Variants in RTL1 observed in about 807,000 individuals in gnomAD.
RTL1 encodes the protein retrotransposon Gag like 1.
For missense variants in RTL1, 1,681 were observed against 1,767.5 expected, an observed-to-expected ratio of 0.95 and a Z score of 0.88; for synonymous variants, 727 against 748.4, an observed-to-expected ratio of 0.97 and a Z score of 0.47.
At position 100,884,237 on chromosome 14, in the gene RTL1, C is replaced by T. The variant is rs1012161678; in HGVS notation, c.552G>A (p.Gln184=). Reference sequence around the variant, plus strand: ...TGATCAAGATCTCTTCTGCTACTCTCTGTTGCTCTTTGAGGTCTTGCATTC... The same window carrying T: ...TGATCAAGATCTCTTCTGCTACTCTTTGTTGCTCTTTGAGGTCTTGCATTC... ...YFRMQDLKEQ[Q]RVAEEILIKG... The change falls in exon 4 of 4, where the codon CAG becomes CAA. Residue 184 remains glutamine, a synonymous_variant. Transcript: ENST00000649591. 1 of 1,551,656 alleles carries T rather than the reference C, an allele frequency of 6.4e-7. No homozygotes were observed. Among genetic ancestry groups the T allele is most frequent in the African/African-American group, 1.4e-5 (1 of 73,056 alleles).
intron 3 of RTL1, among the ~76,000 whole-genome samples, chr14:100,890,074 G>A (rs1377714515): frequency 1.4e-4 from 17 of 123,858 alleles, no homozygotes; most frequent in East Asian, 4.7e-4. Context: ...CGCCTTATTT[G>A]AAAAAAAAAA....
At chr14:100,901,421 A>G (rs1226960046) in intron 2 of RTL1, among the ~76,000 whole-genome samples, 1 of 152,242 alleles carries the variant, frequency 6.6e-6, no homozygotes, top group Non-Finnish European at 1.5e-5. Context: ...AAGGTCCCAC[A>G]GTTCCTGGGA....
At chr14:100,901,595 G>A (rs888180640) in intron 2 of RTL1, among the ~76,000 whole-genome samples, 2 of 152,188 alleles carry the variant, frequency 1.3e-5, no homozygotes, top group Admixed American at 1.3e-4. Context: ...TGTGGTTGCT[G>A]CTCAGCCTCC....
Position 100,881,376 on chromosome 14 carries a change from A to C in RTL1, c.3413T>G (p.Ile1138Ser). ...GAGCAGCTGGGTGATGGCTGTCGTG[A>C]TGCTGCTGCCTGCGATGAGGGACGA... ...LDSSLIAGSS[I>S]TTAITQLLTQ... is the part of the protein sequence containing the mutation. Residue 1138 changes from isoleucine to serine, a missense_variant, in exon 4 of 4, where the codon ATC (isoleucine) becomes AGC (serine). Ile to Ser is a moderately radical substitution (Grantham distance 142). Transcript: ENST00000649591. This position sits in a 1 kb window ranked among gnomAD's most constrained non-coding sequence, Gnocchi z 6.6. The C allele has an allele frequency of 6.4e-7, 1 of 1,550,552 alleles. No individual in the cohort carries two copies. Among genetic ancestry groups the C allele is most frequent in the Middle Eastern group, 1.7e-4 (1 of 5,992 alleles).
chr14:100,896,310 G>A (rs1002087833), intron 2 of RTL1, among the ~76,000 whole-genome samples: 1 of 152,126 alleles, frequency 6.6e-6, no homozygotes, highest in Non-Finnish European at 1.5e-5. Flanking sequence ...AGAAGTTCTC[G>A]AAGGCCTCTG....
chr14:100,892,489 C>G (rs532516841), intron 3 of RTL1, among the ~76,000 whole-genome samples: 19 of 152,330 alleles, frequency 1.2e-4, no homozygotes, highest in African/African-American at 4.1e-4. Context: ...AGGATTCTTA[C>G]GACTGTTACT....
Position 100,880,056 on chromosome 14 carries a change from G to A in RTL1, c.*656C>T, listed in dbSNP as rs2038584605. Among the ~76,000 whole-genome samples, 1 of 150,708 alleles carries A rather than the reference G, an allele frequency of 6.6e-6. No homozygotes were observed. Among genetic ancestry groups the A allele is most frequent in the Admixed American group, 6.6e-5 (1 of 15,098 alleles). ...GGTACGTCCGGATGCCCCAAAGAGCGGCTTTGTCCAGGTAAGTCCAGAGCT... is the reference window on the plus strand; with the variant it reads ...GGTACGTCCGGATGCCCCAAAGAGCAGCTTTGTCCAGGTAAGTCCAGAGCT... On this transcript the variant is annotated 3_prime_UTR_variant, in exon 4 of 4. Coordinates refer to ENST00000649591, the MANE Select transcript of RTL1 (RefSeq NM_001134888.3).
At chr14:100,898,244 G>A (rs1009961317) in intron 2 of RTL1, among the ~76,000 whole-genome samples, 29 of 152,190 alleles carry the variant, frequency 1.9e-4, no homozygotes, top group South Asian at 2.1e-4. Context: ...GTGAGGAAGC[G>A]TGTCACAAAT....
chr14:100,883,893 CGGCCG>C lies in RTL1; in HGVS notation c.891_895del (p.Gly298LeufsTer4). The C allele has an allele frequency of 6.4e-7, 1 of 1,551,538 alleles. No individual in the cohort carries two copies. Among genetic ancestry groups the C allele is most frequent in the South Asian group, 1.2e-5 (1 of 84,056 alleles). Reference sequence around the variant, plus strand: ...CTCATCGATGTACTCAGTGGCAGAGCGGCCGCCCTGCCTGATGGTGAACATGGCCT... The same window carrying C: ...CTCATCGATGTACTCAGTGGCAGAGCCCCTGCCTGATGGTGAACATGGCCT... On this transcript the variant is annotated frameshift_variant, in exon 4 of 4. Coordinates refer to ENST00000649591, the MANE Select transcript of RTL1 (RefSeq NM_001134888.3). LOFTEE classifies it low-confidence loss of function (END_TRUNC). This position sits in a 1 kb window ranked among gnomAD's most constrained non-coding sequence, Gnocchi z 5.9.
At chr14:100,890,282 C>T (rs926336912) in intron 3 of RTL1, among the ~76,000 whole-genome samples, 3 of 146,608 alleles carry the variant, frequency 2.0e-5, no homozygotes, top group South Asian at 2.4e-4. Flanking sequence ...GGGCTGCCAA[C>T]GTGTGTCTAT....
At position 100,893,398 on chromosome 14, in the gene RTL1, C is replaced by T. The variant is rs2038809144; in HGVS notation, c.-87+46G>A. Among the ~76,000 whole-genome samples the T allele has an allele frequency of 2.0e-5, 3 of 152,280 alleles. No homozygotes were observed. The highest frequency in any genetic ancestry group is 2.1e-4 in the South Asian group (1 of 4,820). ...GCCCCACCTCCCCTGCCTGCCCACC[C>T]GATCCCTGGGGGAGGTCGACATGGG... is the stretch of plus-strand genomic sequence containing the variant. On this transcript the variant is annotated intron_variant, in intron 3 of 3. Coordinates refer to ENST00000649591, the MANE Select transcript of RTL1 (RefSeq NM_001134888.3). The surrounding 1 kb of genome is among the most constrained non-coding windows in gnomAD (Gnocchi z 4.2).
chr14:100,887,631 G>A (rs1399718829), intron 3 of RTL1, among the ~76,000 whole-genome samples: 6 of 140,658 alleles, frequency 4.3e-5, no homozygotes, highest in African/African-American at 9.8e-5. Context: ...GCTCATGCCC[G>A]TAATCCTAGC....
intron 3 of RTL1, among the ~76,000 whole-genome samples, chr14:100,885,860 C>T (rs1302948546): frequency 6.6e-6 from 1 of 152,172 alleles, no homozygotes; most frequent in East Asian, 1.9e-4. Context: ...GGTCTGGTCT[C>T]CTCTTTCTAG....
At chr14:100,898,857 T>C (rs894392529) in intron 2 of RTL1, 2 of 152,382 alleles carry the variant, frequency 1.3e-5, no homozygotes, top group African/African-American at 2.4e-5. Context: ...GGATGCCTCA[T>C]TGACATTTTT....
At position 100,893,339 on chromosome 14, in the gene RTL1, C is replaced by T. The variant is rs1280710624; in HGVS notation, c.-87+105G>A. Among the ~76,000 whole-genome samples, 1 of 152,096 alleles carries T rather than the reference C, an allele frequency of 6.6e-6. No homozygotes were observed. Among genetic ancestry groups the T allele is most frequent in the African/African-American group, 2.4e-5 (1 of 41,412 alleles). ...TCTTACAGACGAATGAACACTTTAA[C>T]CCTTGTCCTGAGTGCCAGGCCATCC... On this transcript the variant is annotated intron_variant, in intron 3 of 3. Transcript: ENST00000649591. This position sits in a 1 kb window ranked among gnomAD's most constrained non-coding sequence, Gnocchi z 4.2.
rs770083676 is a variant in RTL1, at chr14:100,882,949, C to T, written c.1840G>A (p.Ala614Thr). 15 of 1,613,508 alleles carry T rather than the reference C, an allele frequency of 9.3e-6. No individual in the cohort carries two copies. The highest frequency in any genetic ancestry group is 5.5e-5 in the South Asian group (5 of 90,852). The change falls in exon 4 of 4, where the codon GCG (alanine) becomes ACG (threonine). Residue 614 changes from alanine to threonine, a missense_variant. By Grantham distance (58) the Ala-to-Thr change is moderately conservative. Coordinates refer to ENST00000649591, the MANE Select transcript of RTL1 (RefSeq NM_001134888.3). ...CTGGCACCCACAGGTTCCCAAGGCGCGGTGGAGGGACACTCGTAAAAGGTC... is the reference window on the plus strand; with the variant it reads ...CTGGCACCCACAGGTTCCCAAGGCGTGGTGGAGGGACACTCGTAAAAGGTC... ...SETFYECPSTAPWEPVGARMQ... is the reference protein window; with the variant it reads ...SETFYECPSTTPWEPVGARMQ...
In RTL1 at chr14:100,884,273, C is replaced by G; in HGVS notation, c.516G>C (p.Ser172=). 6.4e-7 allele frequency: 1 copy of G among 1,551,774 alleles called. No homozygotes were observed. The highest frequency in any genetic ancestry group is 8.7e-7 in the Non-Finnish European group (1 of 1,147,012). The change falls in exon 4 of 4, where the codon TCG becomes TCC. Residue 172 remains serine (S), a synonymous_variant. Transcript: ENST00000649591. ...ELMAMVRSII[S]LYFRMQDLKE... is the part of the protein sequence containing the mutation. ...TGAGGTCTTGCATTCGGAAGTACAG[C>G]GAGATGATGGACCTCACCATGGCCA...
At chr14:100,897,785 G>GGGGGGGGGGGGGTT (rs2038888143) in intron 2 of RTL1, 1 of 175,632 alleles carries the variant, frequency 5.7e-6, no homozygotes. Context: ...GGGCGGGGGG[G>GGGGGGGGGGGGGTT]GGCAGTGAAT....
chr14:100,883,343 G>T lies in RTL1; in HGVS notation c.1446C>A (p.Ile482=), dbSNP rs371882953. ...CGATGGACTCCTGGTGGTTCTGGTG[G>T]ATACACACCAGGGGCTCCGTGTAGA... ...VWLYTEPLVC[I]HQNHQESIEF... Residue 482 remains isoleucine, a synonymous_variant, in exon 4 of 4, where the codon ATC becomes ATA. Coordinates refer to ENST00000649591, the MANE Select transcript of RTL1 (RefSeq NM_001134888.3). This position sits in a 1 kb window ranked among gnomAD's most constrained non-coding sequence, Gnocchi z 5.9. 4 of 1,551,434 alleles carry T rather than the reference G, an allele frequency of 2.6e-6. No homozygotes were observed. The highest frequency in any genetic ancestry group is 2.6e-6 in the Non-Finnish European group (3 of 1,146,864).
Sources: allele counts gnomAD v4.1 joint callset (sites outside exome capture counted in the v4.1 genomes callset), GRCh38; gene constraint gnomAD v4.1.1; non-coding constraint Gnocchi (gnomAD v3.1); transcripts MANE v1.5; gene names NCBI Gene and HGNC (gene_info 2026-07-23, HGNC 2026-07-21).